Variants in ZDHHC14 observed in about 807,000 individuals in gnomAD.
ZDHHC14 encodes the protein zDHHC palmitoyltransferase 14.
Under a neutral mutation model 47.7 loss-of-function variants are expected in ZDHHC14, and 16 were observed. The ratio of observed to expected loss-of-function variants is 0.34; its 90% CI spans 0.23 to 0.51. The LOEUF is 0.51. Among genes scored for constraint, ZDHHC14 ranks in the 20% least tolerant of loss-of-function variants. ZDHHC14 has a pLI of 0.97. For synonymous variants in ZDHHC14, 293 were observed against 278.9 expected (o/e 1.05, Z -0.50); for missense variants, 515 against 662.5 (o/e 0.78, Z 2.44).
chr6:157,512,671 A>C (rs920104438), intron 1 of ZDHHC14, among the ~76,000 whole-genome samples: 1 of 152,180 alleles, frequency 6.6e-6, no homozygotes, highest in Non-Finnish European at 1.5e-5. Flanking sequence ...AGCAAGTCCC[A>C]GTTCTCCACA....
At chr6:157,493,694 G>A (rs1454353651) in intron 1 of ZDHHC14, among the ~76,000 whole-genome samples, 1 of 152,262 alleles carries the variant, frequency 6.6e-6, no homozygotes, top group Non-Finnish European at 1.5e-5. Flanking sequence ...ATGCTGTCCT[G>A]AGGGTCTCAG....
At chr6:157,466,938 T>G (rs1213478475) in intron 1 of ZDHHC14, among the ~76,000 whole-genome samples, 1 of 152,086 alleles carries the variant, frequency 6.6e-6, no homozygotes, top group Non-Finnish European at 1.5e-5. Flanking sequence ...TGGTGGGAAC[T>G]GCGCAGTAGC....
intron 1 of ZDHHC14, among the ~76,000 whole-genome samples, chr6:157,411,408 T>C (rs1365046123): frequency 6.6e-6 from 1 of 152,114 alleles, no homozygotes; most frequent in East Asian, 1.9e-4. Context: ...GATAAATCTG[T>C]GTGAGAAGAT....
chr6:157,564,355 G>A (rs1782823977), intron 2 of ZDHHC14, among the ~76,000 whole-genome samples: 1 of 152,130 alleles, frequency 6.6e-6, no homozygotes, highest in African/African-American at 2.4e-5. Flanking sequence ...AAGTGGGGTT[G>A]GGGGGAAGAA....
chr6:157,479,251 G>C (rs1199815516), intron 1 of ZDHHC14, among the ~76,000 whole-genome samples: 1 of 152,210 alleles, frequency 6.6e-6, no homozygotes, highest in Non-Finnish European at 1.5e-5. Flanking sequence ...GGAGTGTTTT[G>C]AGGATTAAAT....
At chr6:157,528,906 G>T (rs970160630) in intron 1 of ZDHHC14, among the ~76,000 whole-genome samples, 6 of 151,082 alleles carry the variant, frequency 4.0e-5, no homozygotes, top group Admixed American at 2.0e-4. Flanking sequence ...GACTGGGGGT[G>T]GGAGTGGGCA....
rs777568494 is a variant in ZDHHC14, at chr6:157,595,174, A to ATTTTTTTTTTTTTTTTTTTTTTTTTT, written c.565+2039_565+2064dup. 6.4e-5 allele frequency among the ~76,000 whole-genome samples: 4 copies of ATTTTTTTTTTTTTTTTTTTTTTTTTT among 62,716 alleles called. 1 individual carries two copies. The highest frequency in any genetic ancestry group is 3.0e-4 in the African/African-American group (4 of 13,538). 41.1% of individuals were successfully genotyped at this position (62,716 alleles called of 152,430 possible). ...CCTCTGTTTCTTGTCTCTAGGCTAGATTTTTTTTTTTTTTTTTTTTTTTTT... is the reference window on the plus strand; with the variant it reads ...CCTCTGTTTCTTGTCTCTAGGCTAGATTTTTTTTTTTTTTTTTTTTTTTTTTTTTTTTTTTTTTTTTTTTTTTTTTT... On this transcript the variant is annotated intron_variant, in intron 3 of 8. Transcript: ENST00000359775.
chr6:157,437,238 G>A (rs532156084), intron 1 of ZDHHC14, among the ~76,000 whole-genome samples: 1 of 152,338 alleles, frequency 6.6e-6, no homozygotes, highest in South Asian at 2.1e-4. Flanking sequence ...GCTTTGTGCT[G>A]TACTGTGCCT....
intron 5 of ZDHHC14, among the ~76,000 whole-genome samples, chr6:157,640,093 AAC>A (rs561980724): frequency 2.6e-5 from 4 of 152,304 alleles, no homozygotes; most frequent in Admixed American, 2.6e-4. Flanking sequence ...AACCCTCAGA[AAC>A]ACCTGCTGGG....
intron 5 of ZDHHC14, among the ~76,000 whole-genome samples, chr6:157,638,575 TC>T (rs1464473327): frequency 6.6e-6 from 1 of 151,726 alleles, no homozygotes; most frequent in Non-Finnish European, 1.5e-5. Context: ...AGCAACTATT[TC>T]CTGTAAAACC....
At chr6:157,508,271 G>A (rs1780379396) in intron 1 of ZDHHC14, among the ~76,000 whole-genome samples, 1 of 152,174 alleles carries the variant, frequency 6.6e-6, no homozygotes, top group Admixed American at 6.5e-5. Flanking sequence ...TCTAGGAGAT[G>A]TCCTTCAATA....
rs537781829 is a variant in ZDHHC14 at position 157,439,886 on chromosome 6, A to C, written c.245+57620A>C. On this transcript the variant is annotated intron_variant, in intron 1 of 8. Coordinates refer to ENST00000359775, the MANE Select transcript of ZDHHC14 (RefSeq NM_024630.3). ...GCCATGGATGAAGCTGGAAGCCATTATCCTCAGCAAACTAATGCGTGAACA... is the reference window on the plus strand; with the variant it reads ...GCCATGGATGAAGCTGGAAGCCATTCTCCTCAGCAAACTAATGCGTGAACA... 1.2e-4 allele frequency among the ~76,000 whole-genome samples: 19 copies of C among 152,298 alleles called. No homozygotes were observed. The South Asian group carries it at 2.9e-3, about 23-fold the overall frequency.
intron 2 of ZDHHC14, among the ~76,000 whole-genome samples, chr6:157,560,656 G>GA (rs371086710): frequency 5.3e-5 from 8 of 151,608 alleles, no homozygotes; most frequent in East Asian, 1.9e-4. Flanking sequence ...ATAATTAGAA[G>GA]AAAAAAAATC....
chr6:157,557,591 A>G (rs1782528514), intron 2 of ZDHHC14, among the ~76,000 whole-genome samples: 1 of 152,192 alleles, frequency 6.6e-6, no homozygotes, highest in African/African-American at 2.4e-5. Flanking sequence ...TTTAGGGGCA[A>G]GACTTTGGTT....
chr6:157,397,789 C>T (rs1777551646), intron 1 of ZDHHC14, among the ~76,000 whole-genome samples: 1 of 152,242 alleles, frequency 6.6e-6, no homozygotes, highest in Admixed American at 6.5e-5. Flanking sequence ...GAAGACTTTT[C>T]TGCAGCGCTC....
At chr6:157,488,422 A>G (rs142712077) in intron 1 of ZDHHC14, among the ~76,000 whole-genome samples, 1 of 152,230 alleles carries the variant, frequency 6.6e-6, no homozygotes, top group East Asian at 1.9e-4. Flanking sequence ...ACAACCCTCA[A>G]TTTGCGTTGC....
intron 1 of ZDHHC14, among the ~76,000 whole-genome samples, chr6:157,398,868 T>C (rs1777575111): frequency 6.6e-6 from 1 of 152,264 alleles, no homozygotes; most frequent in Non-Finnish European, 1.5e-5. Flanking sequence ...GGAAAAGCTC[T>C]ATGTGTCTGA....
chr6:157,466,909 A>T (rs997625636), intron 1 of ZDHHC14, among the ~76,000 whole-genome samples: 2 of 152,110 alleles, frequency 1.3e-5, no homozygotes, highest in African/African-American at 4.8e-5. Flanking sequence ...AAACCTGGCA[A>T]TACTGGGCCT....
intron 7 of ZDHHC14, among the ~76,000 whole-genome samples, chr6:157,648,430 A>C (rs141010463): frequency 6.6e-6 from 1 of 152,150 alleles, no homozygotes; most frequent in African/African-American, 2.4e-5. Flanking sequence ...GAGAGGTAAA[A>C]AGAATTCAAG....
Sources: gnomAD v4.1 joint callset for allele counts (sites outside exome capture counted in the v4.1 genomes callset) on GRCh38, gnomAD v4.1.1 for gene constraint, MANE v1.5 for transcripts, NCBI Gene and HGNC (gene_info 2026-07-23, HGNC 2026-07-21) for gene names.